The following PHKB variants were observed in gnomAD, a reference collection of about 807,000 sequenced individuals.
The protein encoded by PHKB is phosphorylase b kinase regulatory subunit beta.
In PHKB, 122 loss-of-function variants were observed where a neutral mutation model predicts 152.1. The observed-to-expected ratio is 0.80, with a 90% CI of 0.69 to 0.93. The LOEUF is 0.93. Among genes scored for constraint, PHKB ranks in the 40% least tolerant of loss-of-function variants. PHKB has a pLI of 0.00. For synonymous variants in PHKB, 436 were observed against 464.9 expected, an observed-to-expected ratio of 0.94 and a Z score of 0.80; for missense variants, 1,304 against 1,328.4, an observed-to-expected ratio of 0.98 and a Z score of 0.29.
chr16:47,488,130 C>T lies in PHKB; in HGVS notation c.77-9269C>T, dbSNP rs181419129. On this transcript the variant is annotated intron_variant, in intron 1 of 30. Transcript: ENST00000323584. The stretch of plus-strand genomic sequence containing the variant: ...TTTTTTGACTTTTTAATAATAGCCC[C>T]TCTCACTGGTGTGAGATGGTATCTC... Among the ~76,000 whole-genome samples, 5 of 152,216 alleles carry T rather than the reference C, an allele frequency of 3.3e-5. No individual in the cohort carries two copies. In the East Asian group the frequency reaches 5.8e-4, roughly 18 times the overall value.
At chr16:47,466,279 A>G (rs1969667753) in intron 1 of PHKB, among the ~76,000 whole-genome samples, 1 of 152,258 alleles carries the variant, frequency 6.6e-6, no homozygotes, top group Non-Finnish European at 1.5e-5. Flanking sequence ...ATTTATAAAG[A>G]AATTCAACAG....
intron 6 of PHKB, 84 bp from the exon 7 acceptor site, chr16:47,547,349 C>T: frequency 1.2e-6 from 1 of 806,182 alleles, no homozygotes. Context: ...TCCCAAATTG[C>T]TGGGATTACA....
Position 47,663,708 on chromosome 16 carries a change from T to C in PHKB, c.2310T>C (p.Tyr770=). ...TTTCTGATCACATTGAGAGAGTCTA[T>C]AGAAGAGCTGGCAGCCAAAAACTTT... is the stretch of plus-strand genomic sequence containing the variant. The part of the protein sequence containing the change: ...GTVSDHIERV[Y]RRAGSQKLWL... Residue 770 remains tyrosine, a synonymous_variant, in exon 24 of 31, where the codon TAT becomes TAC. Coordinates refer to ENST00000323584, the MANE Select transcript of PHKB (RefSeq NM_000293.3). 6 of 1,612,024 alleles carry C rather than the reference T, an allele frequency of 3.7e-6. No individual in the cohort carries two copies. Among genetic ancestry groups the C allele is most frequent in the Non-Finnish European group, 5.1e-6 (6 of 1,178,172 alleles).
At chr16:47,512,071 T>A (rs553161328) in intron 5 of PHKB, among the ~76,000 whole-genome samples, 1 of 152,210 alleles carries the variant, frequency 6.6e-6, no homozygotes, top group Non-Finnish European at 1.5e-5. Flanking sequence ...TAATGCTTGC[T>A]CACTGCTGCT....
intron 7 of PHKB, among the ~76,000 whole-genome samples, chr16:47,552,394 T>C (rs999982276): frequency 3.3e-5 from 5 of 152,230 alleles, no homozygotes; most frequent in African/African-American, 1.2e-4. Flanking sequence ...CAGGAGCTCT[T>C]GTAAGGCAGG....
Position 47,497,448 on chromosome 16 carries a change from T to G in PHKB, c.126T>G (p.Asn42Lys). 16 of 1,610,042 alleles carry G rather than the reference T, an allele frequency of 9.9e-6. No homozygotes were observed. The highest frequency in any genetic ancestry group is 1.4e-5 in the Non-Finnish European group (16 of 1,177,936). Residue 42 changes from asparagine to lysine, a missense_variant, in exon 2 of 31, where the codon AAT (asparagine) becomes AAG (lysine). Transcript: ENST00000323584. The part of the protein sequence containing the change: ...LKSINLPRPD[N>K]ETLWDKLDHY... ...GCATTAATCTTCCAAGACCTGATAATGAAACTCTCTGGGATAAGTTGGACC... is the reference window on the plus strand; with the variant it reads ...GCATTAATCTTCCAAGACCTGATAAGGAAACTCTCTGGGATAAGTTGGACC...
At chr16:47,667,166 C>T (rs549323640) in intron 25 of PHKB, among the ~76,000 whole-genome samples, 52 of 152,148 alleles carry the variant, frequency 3.4e-4, no homozygotes, top group African/African-American at 1.1e-3. Context: ...GGCATGGTGG[C>T]TCACACCTGT....
Position 47,547,445 on chromosome 16 carries a change from C to T in PHKB, c.607C>T (p.Gln203Ter). ...CTTTTTCTTTTAGGTCTCTTTTATT[C>T]AAAACCTTGTATTTTGTGTGGAAAG... is the stretch of plus-strand genomic sequence containing the variant. ...IYNTDEVSFI[Q>*]NLVFCVERVY... The change falls in exon 7 of 31, where the codon CAA (glutamine) becomes TAA (stop). Residue 203 changes from glutamine (Q) to a stop codon, truncating the protein, a stop_gained. Transcript: ENST00000323584. LOFTEE classifies it high-confidence loss of function. 1 of 1,604,312 alleles carries T rather than the reference C, an allele frequency of 6.2e-7. No homozygotes were observed. Among genetic ancestry groups the T allele is most frequent in the Non-Finnish European group, 8.5e-7 (1 of 1,171,372 alleles).
intron 6 of PHKB, among the ~76,000 whole-genome samples, chr16:47,520,661 A>G (rs1437516280): frequency 6.6e-6 from 1 of 152,252 alleles, no homozygotes; most frequent in Non-Finnish European, 1.5e-5. Flanking sequence ...CTATTTGGTC[A>G]TGCATCCTTG....
At chr16:47,513,657 G>C (rs1470608285) in intron 5 of PHKB, among the ~76,000 whole-genome samples, 2 of 152,184 alleles carry the variant, frequency 1.3e-5, no homozygotes, top group African/African-American at 4.8e-5. Flanking sequence ...CTATTACTCA[G>C]TTGGGCTGGA....
chr16:47,654,273 A>T (rs1973292345), intron 20 of PHKB, among the ~76,000 whole-genome samples: 1 of 152,240 alleles, frequency 6.6e-6, no homozygotes, highest in Admixed American at 6.5e-5. Flanking sequence ...CACCAGTTAA[A>T]ATGGCGATCA....
chr16:47,532,060 T>C (rs1367964600), intron 6 of PHKB, among the ~76,000 whole-genome samples: 2 of 152,174 alleles, frequency 1.3e-5, no homozygotes, highest in Non-Finnish European at 2.9e-5. Flanking sequence ...TACTTATCAA[T>C]TTAAAAAACC....
chr16:47,593,464 T>G (rs1341186649), intron 10 of PHKB, 36 bp from the exon 11 acceptor site: 1 of 1,034,760 alleles, frequency 9.7e-7, no homozygotes, highest in Admixed American at 1.7e-5. Context: ...AATTTAATTG[T>G]TAGTGTAAAA....
At chr16:47,508,817 A>C (rs1970461890) in intron 4 of PHKB, among the ~76,000 whole-genome samples, 1 of 152,170 alleles carries the variant, frequency 6.6e-6, no homozygotes, top group Non-Finnish European at 1.5e-5. Context: ...TTTGTTTGTA[A>C]TTGACATACA....
chr16:47,507,895 T>C (rs1268615582), intron 4 of PHKB, among the ~76,000 whole-genome samples: 1 of 152,194 alleles, frequency 6.6e-6, no homozygotes, highest in Admixed American at 6.5e-5. Context: ...GCCATTTCCT[T>C]TACAATACTG....
Position 47,699,582 on chromosome 16 carries a change from T to C in PHKB, c.*216T>C. 2 of 605,766 alleles carry C rather than the reference T, an allele frequency of 3.3e-6. No homozygotes were observed. Among genetic ancestry groups the C allele is most frequent in the Non-Finnish European group, 6.0e-6 (2 of 334,572 alleles). 37.5% of individuals were successfully genotyped at this position (605,766 alleles called of 1,614,324 possible). A position where few individuals can be genotyped will look rare whatever the true frequency, so the allele number is the denominator to read the frequency against. ...TCAAGCAGGAAAAAGTTCTCATGAT[T>C]ATGCCAACTATAATAGTAATCCTCA... On this transcript the variant is annotated 3_prime_UTR_variant, in exon 31 of 31. Coordinates refer to ENST00000323584, the MANE Select transcript of PHKB (RefSeq NM_000293.3).
chr16:47,669,992 G>T (rs915803212), intron 26 of PHKB, among the ~76,000 whole-genome samples: 1 of 152,198 alleles, frequency 6.6e-6, no homozygotes, highest in Non-Finnish European at 1.5e-5. Flanking sequence ...CAGCAGAACT[G>T]AGTTCAAGTT....
intron 7 of PHKB, among the ~76,000 whole-genome samples, chr16:47,573,998 C>T (rs1971708206): frequency 1.3e-5 from 2 of 152,198 alleles, no homozygotes; most frequent in African/African-American, 2.4e-5. Context: ...TGGCTCACTG[C>T]AACCTCCACC....
At chr16:47,535,573 G>A (rs778559096) in intron 6 of PHKB, among the ~76,000 whole-genome samples, 7 of 152,104 alleles carry the variant, frequency 4.6e-5, no homozygotes, top group Non-Finnish European at 1.0e-4. Context: ...TTAAATAATT[G>A]TTTGCTTTTG....
Sources: gnomAD v4.1 joint callset for allele counts (sites outside exome capture counted in the v4.1 genomes callset) on GRCh38, gnomAD v4.1.1 for gene constraint, MANE v1.5 for transcripts, NCBI Gene and HGNC (gene_info 2026-07-23, HGNC 2026-07-21) for gene names.